The following SSBP3 variants were observed in gnomAD, a reference collection of about 807,000 sequenced individuals.
The protein encoded by SSBP3 is single stranded DNA binding protein 3.
SSBP3 carries 5 observed loss-of-function variants against 69.6 expected under a neutral mutation model. The observed-to-expected ratio is 0.07, with a 90% CI of 0.04 to 0.15. SSBP3 has a LOEUF of 0.15. SSBP3 is among the 10% of genes least tolerant of loss of function. SSBP3 has a pLI of 1.00. For synonymous variants in SSBP3, 196 were observed against 193.4 expected, an observed-to-expected ratio of 1.01 and a Z score of -0.11; for missense variants, 312 against 534.0, an observed-to-expected ratio of 0.58 and a Z score of 4.10.
chr1:54,340,702 T>G (rs959726347), intron 4 of SSBP3, among the ~76,000 whole-genome samples: 1 of 152,214 alleles, frequency 6.6e-6, no homozygotes, highest in African/African-American at 2.4e-5. Flanking sequence ...TTTCTGAGGT[T>G]CTTTCAGAGG....
At chr1:54,317,256 G>A (rs1569782230) in intron 4 of SSBP3, among the ~76,000 whole-genome samples, 3 of 152,040 alleles carry the variant, frequency 2.0e-5, no homozygotes, top group Admixed American at 2.0e-4. Context: ...AAAAAGCATC[G>A]GCCAACCGTG....
rs149764118 is a variant in SSBP3, at chr1:54,290,519, T to C, written c.277-8992A>G. Among the ~76,000 whole-genome samples the C allele has an allele frequency of 3.2e-3, 494 of 152,340 alleles. 2 individuals are homozygous for C. Among genetic ancestry groups the C allele is most frequent in the South Asian group, 0.011 (53 of 4,832 alleles). Reference sequence around the variant, plus strand: ...TGAGAAGGGGCCTCTCTCTTCTTAGTGGCCACCTTAGGAGGAAGTGAATTC... The same window carrying C: ...TGAGAAGGGGCCTCTCTCTTCTTAGCGGCCACCTTAGGAGGAAGTGAATTC... On this transcript the variant is annotated intron_variant, in intron 4 of 17. Transcript: ENST00000610401.
In SSBP3 at chr1:54,367,208, A is replaced by G. The variant is rs374970736; in HGVS notation, c.276+34653T>C. Among the ~76,000 whole-genome samples, 134 of 152,302 alleles carry G rather than the reference A, an allele frequency of 8.8e-4. No individual in the cohort carries two copies. In the South Asian group the frequency reaches 9.9e-3, roughly 11 times the overall value. On this transcript the variant is annotated intron_variant, in intron 4 of 17. Transcript: ENST00000610401. Reference sequence around the variant, plus strand: ...CCAAAATGATCTACTTGGGCAAAAGATAGGTGCGGGGGAGAATGCCACCAA... The same window carrying G: ...CCAAAATGATCTACTTGGGCAAAAGGTAGGTGCGGGGGAGAATGCCACCAA...
intron 14 of SSBP3, among the ~76,000 whole-genome samples, chr1:54,232,000 G>T (rs1454678665): frequency 6.6e-6 from 1 of 152,126 alleles, no homozygotes; most frequent in East Asian, 1.9e-4. Flanking sequence ...GGCCCCCTAT[G>T]ATCTACTTTA....
upstream of SSBP3, among the ~76,000 whole-genome samples, chr1:54,406,910 C>A (rs992658941): frequency 2.6e-5 from 4 of 151,820 alleles, no homozygotes; most frequent in African/African-American, 9.7e-5. Context: ...TTGTCCTCCC[C>A]CTAGGCTCCG....
chr1:54,251,697 G>A lies in SSBP3; in HGVS notation c.575-5C>T, dbSNP rs533370619. ...ATCCTCCCATGTTGGGGTGGCCTGC[G>A]TGAGAGAGGAGGCGCGTCATGGGAT... On this transcript the variant is annotated splice_region_variant and splice_polypyrimidine_tract_variant and intron_variant, in intron 8 of 17. Coordinates refer to ENST00000610401, the Ensembl canonical transcript of SSBP3. 12 of 1,563,066 alleles carry A rather than the reference G, an allele frequency of 7.7e-6. No homozygotes were observed. The highest frequency in any genetic ancestry group is 2.3e-5 in the South Asian group (2 of 85,540).
exon 5 of SSBP3, chr1:54,281,490 A>G (rs1255056164): frequency 3.8e-6 from 6 of 1,571,242 alleles, no homozygotes; most frequent in African/African-American, 1.4e-5. Flanking sequence ...GTTGGGGGGA[A>G]TGTTGCCAAG....
intron 5 of SSBP3, 49 bp downstream of exon 5, chr1:54,281,389 C>T (rs761340122): frequency 1.4e-6 from 2 of 1,475,802 alleles, no homozygotes; most frequent in African/African-American, 1.4e-5. Flanking sequence ...CCCAGGGCCT[C>T]GGCCTGGAAT....
At chr1:54,373,504 C>A (rs918352512) in intron 4 of SSBP3, among the ~76,000 whole-genome samples, 5 of 152,132 alleles carry the variant, frequency 3.3e-5, no homozygotes, top group African/African-American at 1.2e-4. Flanking sequence ...TGGCTCACAT[C>A]TGTAACCCCA....
At chr1:54,357,641 C>T (rs1042067561) in intron 4 of SSBP3, among the ~76,000 whole-genome samples, 74 of 152,336 alleles carry the variant, frequency 4.9e-4, no homozygotes, top group African/African-American at 1.7e-3. Context: ...GCAGTGCACA[C>T]CTGTAGTCCC....
intron 14 of SSBP3, chr1:54,237,301 C>T (rs1170512348): frequency 3.9e-5 from 6 of 152,142 alleles, no homozygotes; most frequent in Admixed American, 2.6e-4. Flanking sequence ...TTGTAACCTC[C>T]GAATCAGGAA....
At chr1:54,239,433 C>T (rs551985363) in intron 13 of SSBP3, among the ~76,000 whole-genome samples, 4 of 152,284 alleles carry the variant, frequency 2.6e-5, no homozygotes, top group East Asian at 1.9e-4. Context: ...AGGGGGATTA[C>T]GGGTTCAAAT....
chr1:54,296,446 G>C (rs1557506822), intron 4 of SSBP3, among the ~76,000 whole-genome samples: 1 of 152,170 alleles, frequency 6.6e-6, no homozygotes, highest in Non-Finnish European at 1.5e-5. Context: ...GGTCCTCTCT[G>C]GCCAAGACAG....
chr1:54,233,863 C>T lies in SSBP3; in HGVS notation c.928-5037G>A, dbSNP rs567701222. 4.3e-3 allele frequency among the ~76,000 whole-genome samples: 651 copies of T among 151,668 alleles called. 1 individual carries two copies. The highest frequency in any genetic ancestry group is 0.014 in the East Asian group (74 of 5,114). The stretch of plus-strand genomic sequence containing the variant: ...TCTGGGAGGTGTGCCCAACAGCTCA[C>T]TGAGAACGGGCCAGGATGACAATGG... On this transcript the variant is annotated intron_variant, in intron 14 of 17. Transcript: ENST00000610401.
chr1:54,264,174 C>T (rs1182397103), intron 5 of SSBP3, among the ~76,000 whole-genome samples: 1 of 151,918 alleles, frequency 6.6e-6, no homozygotes, highest in East Asian at 1.9e-4. Context: ...TGGTGGTGTG[C>T]GCCTGTGGCC....
At chr1:54,290,914 C>A (rs878968089) in intron 4 of SSBP3, among the ~76,000 whole-genome samples, 1 of 152,174 alleles carries the variant, frequency 6.6e-6, no homozygotes, top group Admixed American at 6.5e-5. Context: ...CTAGTTTACA[C>A]CATTAGCAAA....
intron 4 of SSBP3, among the ~76,000 whole-genome samples, chr1:54,299,267 C>G (rs1304475815): frequency 6.6e-6 from 1 of 152,204 alleles, no homozygotes; most frequent in Non-Finnish European, 1.5e-5. Flanking sequence ...TTCCGCTCCA[C>G]TTGCCAAGAA....
At chr1:54,325,155 C>T (rs1487541681) in intron 4 of SSBP3, among the ~76,000 whole-genome samples, 2 of 152,154 alleles carry the variant, frequency 1.3e-5, no homozygotes, top group Non-Finnish European at 2.9e-5. Flanking sequence ...ATGGAGCAGC[C>T]GAGCATCTGG....
intron 4 of SSBP3, among the ~76,000 whole-genome samples, chr1:54,387,981 C>A (rs896083602): frequency 6.6e-6 from 1 of 152,238 alleles, no homozygotes; most frequent in African/African-American, 2.4e-5. Context: ...CCCAAATTCA[C>A]ACACGTCACT....
Sources: allele counts gnomAD v4.1 joint callset (sites outside exome capture counted in the v4.1 genomes callset), GRCh38; gene constraint gnomAD v4.1.1; transcripts MANE v1.5; gene names NCBI Gene and HGNC (gene_info 2026-07-23, HGNC 2026-07-21).